RBM39: variants seen among roughly 807,000 people sequenced by gnomAD.
RBM39 encodes the protein RNA-binding protein 39.
In RBM39, 12 loss-of-function variants were observed where a neutral mutation model predicts 79.6. That is an observed-to-expected ratio of 0.15 (90% confidence interval 0.10 to 0.24). The LOEUF (loss-of-function observed/expected upper bound fraction) is 0.24, where lower values mean the gene tolerates loss of function less well. Ranked by LOEUF, RBM39 falls within the 10% of genes least tolerant of loss-of-function variation. The pLI is 1.00. For synonymous variants in RBM39, 185 were observed against 208.4 expected (o/e 0.89, Z 0.97); for missense variants, 243 against 653.4 (o/e 0.37, Z 6.85).
At chr20:35,736,955 C>G (rs1472101496) in intron 3 of RBM39, among the ~76,000 whole-genome samples, 3 of 149,428 alleles carry the variant, frequency 2.0e-5, no homozygotes, top group Non-Finnish European at 4.5e-5. Flanking sequence ...CAAGCCCAGA[C>G]TTTTTTTTTA....
intron 11 of RBM39, chr20:35,713,406 A>T: frequency 5.6e-6 from 1 of 177,658 alleles, no homozygotes; most frequent in South Asian, 1.2e-4. Flanking sequence ...GCTCACTGCA[A>T]CCTCCCCCTC....
intron 12 of RBM39, among the ~76,000 whole-genome samples, 179 bp downstream of exon 12, chr20:35,712,840 T>C (rs113228848): frequency 1.3e-5 from 2 of 152,182 alleles, no homozygotes; most frequent in African/African-American, 2.4e-5. Flanking sequence ...ACAACTCATT[T>C]TGATGCATGG....
chr20:35,707,879 G>C (rs1218855620), intron 13 of RBM39: 4 of 465,818 alleles, frequency 8.6e-6, no homozygotes, highest in Non-Finnish European at 1.8e-5. Context: ...TTCCAAGACA[G>C]TTGCTCCAAT....
intron 6 of RBM39, 44 bp downstream of exon 6, chr20:35,729,268 G>T: frequency 6.6e-7 from 1 of 1,504,650 alleles, no homozygotes. Flanking sequence ...ACCATAAGCT[G>T]CAAAAGCTTT....
chr20:35,735,966 C>G (rs1467341022), intron 3 of RBM39, among the ~76,000 whole-genome samples: 1 of 152,092 alleles, frequency 6.6e-6, no homozygotes, highest in Non-Finnish European at 1.5e-5. Context: ...AGCTTATACA[C>G]AGGATAAAAA....
intron 3 of RBM39, chr20:35,734,531 C>CA (rs1600621521): frequency 4.6e-6 from 1 of 215,554 alleles, no homozygotes; most frequent in East Asian, 1.2e-4. Flanking sequence ...CCCTCAAAAA[C>CA]AAAGTTTTTG....
intron 9 of RBM39, among the ~76,000 whole-genome samples, chr20:35,717,132 T>C (rs1469912724): frequency 6.6e-6 from 1 of 151,976 alleles, no homozygotes; most frequent in South Asian, 2.1e-4. Context: ...ATACAAAAAT[T>C]GTCTGGGCTT....
intron 12 of RBM39, chr20:35,710,606 T>C (rs1230304295): frequency 6.6e-6 from 1 of 152,196 alleles, no homozygotes; most frequent in Non-Finnish European, 1.5e-5. Flanking sequence ...AATAAAATAA[T>C]GTGGATATAG....
At chr20:35,718,282 CA>C (rs35232905) in intron 9 of RBM39, among the ~76,000 whole-genome samples, 28,235 of 146,730 alleles carry the variant, frequency 0.19, 3,008 homozygotes, top group African/African-American at 0.31. Flanking sequence ...CAAAACAAAA[CA>C]AAAAAAAAAC....
intron 9 of RBM39, among the ~76,000 whole-genome samples, chr20:35,717,277 C>T (rs1471561513): frequency 2.0e-5 from 3 of 149,300 alleles, no homozygotes; most frequent in Non-Finnish European, 4.4e-5. Flanking sequence ...GAGACTTGGT[C>T]TCAAAAAACA....
intron 12 of RBM39, 109 bp from the exon 13 acceptor site, chr20:35,709,383 T>TAA: frequency 1.1e-6 from 1 of 909,960 alleles, no homozygotes; most frequent in Non-Finnish European, 1.6e-6. Flanking sequence ...ATGCACTTAG[T>TAA]AAAACCTGGC....
intron 6 of RBM39, among the ~76,000 whole-genome samples, chr20:35,727,868 T>A (rs935562088): frequency 1.3e-5 from 2 of 152,056 alleles, no homozygotes; most frequent in African/African-American, 4.8e-5. Flanking sequence ...AGGCTGGTCT[T>A]GAACTTCTGA....
rs1438537861 is a variant in RBM39, at chr20:35,701,842, C to A, written c.*2639G>T. 3 of 152,076 alleles carry A rather than the reference C, an allele frequency of 2.0e-5. No individual in the cohort carries two copies. The East Asian group carries it at 5.8e-4, about 29-fold the overall frequency. The allele number at this position is 152,076 out of a possible 1,614,324, so 9.4% of individuals were successfully genotyped here. On this transcript the variant is annotated 3_prime_UTR_variant, in exon 17 of 17. Coordinates refer to ENST00000253363, the MANE Select transcript of RBM39 (RefSeq NM_184234.3). ...CAAACTCTTGACCTCATGATCCACC[C>A]GCCTCCGCCTCCCAGTGTTCACATA...
At position 35,712,970 on chromosome 20, in the gene RBM39, C is replaced by T. The variant is rs370587750; in HGVS notation, c.1174+49G>A. ...TAAATGTAAAAATTTGGAAAATTTT[C>T]GAATTAGATGAAAAAACGATTTAAA... On this transcript the variant is annotated intron_variant, in intron 12 of 16. Transcript: ENST00000253363. 515 of 1,519,326 alleles carry T rather than the reference C, an allele frequency of 3.4e-4. 1 individual carries two copies. Among genetic ancestry groups the T allele is most frequent in the Non-Finnish European group, 4.3e-4 (478 of 1,123,734 alleles). 94.1% of individuals were successfully genotyped at this position (1,519,326 alleles called of 1,614,324 possible).
chr20:35,726,250 G>A (rs1453838892), intron 6 of RBM39, among the ~76,000 whole-genome samples: 1 of 152,028 alleles, frequency 6.6e-6, no homozygotes, highest in African/African-American at 2.4e-5. Context: ...TTCTGCCTCA[G>A]CCTCCCGAGT....
chr20:35,717,055 G>A (rs764376736), intron 9 of RBM39, among the ~76,000 whole-genome samples: 4 of 152,030 alleles, frequency 2.6e-5, no homozygotes, highest in East Asian at 1.9e-4. Flanking sequence ...TGAGGGAGGC[G>A]GATCACCTGA....
chr20:35,704,807 T>C (rs2035522020), intron 15 of RBM39, 61 bp from the exon 16 acceptor site: 1 of 1,472,894 alleles, frequency 6.8e-7, no homozygotes, highest in African/African-American at 1.4e-5. Context: ...ACCCAAGTTA[T>C]GTTTATTCAA....
chr20:35,735,058 T>A, intron 3 of RBM39: 1 of 1,572,356 alleles, frequency 6.4e-7, no homozygotes, highest in South Asian at 1.2e-5. Context: ...TGTAAGAAGA[T>A]CTAAATTTTT....
At chr20:35,725,749 G>C (rs778159278) in intron 6 of RBM39, among the ~76,000 whole-genome samples, 62 of 140,456 alleles carry the variant, frequency 4.4e-4, no homozygotes, top group Non-Finnish European at 8.5e-4. Flanking sequence ...CACAACCTCC[G>C]CCTCCCTGAG....
Sources: gnomAD v4.1 joint callset for allele counts (sites outside exome capture counted in the v4.1 genomes callset) on GRCh38, gnomAD v4.1.1 for gene constraint, MANE v1.5 for transcripts, NCBI Gene and HGNC (gene_info 2026-07-23, HGNC 2026-07-21) for gene names.